The following EPHA3 variants were observed in gnomAD, a reference collection of about 807,000 sequenced individuals.
The protein encoded by EPHA3 is EPH receptor A3, also known as ephrin type-A receptor 3.
A neutral mutation model predicts 107.1 loss-of-function variants in EPHA3; 42 were observed. That is an observed-to-expected ratio of 0.39 (90% CI 0.31 to 0.51). The LOEUF (loss-of-function observed/expected upper bound fraction) is 0.51. Among genes scored for constraint, EPHA3 ranks in the 20% least tolerant of loss-of-function variants. The pLI, the probability that EPHA3 is intolerant of heterozygous loss-of-function variation, is 0.78. For missense variants in EPHA3, 1,183 were observed against 1,211.2 expected, an observed-to-expected ratio of 0.98 and a Z score of 0.35; for synonymous variants, 461 against 424.8, an observed-to-expected ratio of 1.09 and a Z score of -1.05.
chr3:89,205,461 G>A (rs1302143152), intron 2 of EPHA3, among the ~76,000 whole-genome samples: 4 of 152,118 alleles, frequency 2.6e-5, no homozygotes, highest in Non-Finnish European at 5.9e-5. Context: ...GAGGTTTGGT[G>A]TGGTTATTTT....
At chr3:89,402,468 GA>G (rs1420875822) in intron 7 of EPHA3, among the ~76,000 whole-genome samples, 1 of 151,804 alleles carries the variant, frequency 6.6e-6, no homozygotes, top group Non-Finnish European at 1.5e-5. Flanking sequence ...AAATATAAAT[GA>G]GAAAAAAATG....
chr3:89,239,492 G>A (rs940731320), intron 3 of EPHA3, among the ~76,000 whole-genome samples: 6 of 152,116 alleles, frequency 3.9e-5, no homozygotes, highest in African/African-American at 1.2e-4. Context: ...TGCTGGTGCT[G>A]TAAATTTTAA....
intron 2 of EPHA3, among the ~76,000 whole-genome samples, chr3:89,139,255 C>G (rs1704376952): frequency 6.6e-6 from 1 of 151,786 alleles, no homozygotes; most frequent in Admixed American, 6.6e-5. Flanking sequence ...GGATACTATT[C>G]CATGCCATGG....
At chr3:89,231,553 A>G (rs1704635504) in intron 3 of EPHA3, among the ~76,000 whole-genome samples, 1 of 152,078 alleles carries the variant, frequency 6.6e-6, no homozygotes, top group Non-Finnish European at 1.5e-5. Flanking sequence ...GTTTTGGACA[A>G]TATAGAATAG....
intron 5 of EPHA3, among the ~76,000 whole-genome samples, chr3:89,355,744 A>G (rs192103402): frequency 1.9e-4 from 29 of 150,892 alleles, no homozygotes; most frequent in Non-Finnish European, 1.5e-4. Context: ...CTCTGTCTCC[A>G]TAATGATCAT....
At chr3:89,358,475 G>T (rs1270574261) in intron 5 of EPHA3, among the ~76,000 whole-genome samples, 1 of 150,932 alleles carries the variant, frequency 6.6e-6, no homozygotes, top group East Asian at 1.9e-4. Flanking sequence ...TACTATACTG[G>T]ATCTACTGGG....
At chr3:89,176,269 G>A (rs1490759241) in intron 2 of EPHA3, among the ~76,000 whole-genome samples, 1 of 151,914 alleles carries the variant, frequency 6.6e-6, no homozygotes, top group Admixed American at 6.6e-5. Flanking sequence ...ATCACCTGCG[G>A]TCAGGAGATC....
chr3:89,107,870 C>A, intron 1 of EPHA3, 34 bp downstream of exon 1: 1 of 1,595,360 alleles, frequency 6.3e-7, no homozygotes, highest in South Asian at 1.1e-5. Flanking sequence ...GGAGCTCTGC[C>A]CCGCGGGGCT....
intron 5 of EPHA3, among the ~76,000 whole-genome samples, chr3:89,370,424 G>T (rs552822152): frequency 4.6e-5 from 7 of 151,228 alleles, no homozygotes; most frequent in Admixed American, 6.6e-5. Flanking sequence ...ACCAAACACC[G>T]CATGTTCTCA....
intron 2 of EPHA3, among the ~76,000 whole-genome samples, chr3:89,162,381 T>A (rs114623762): frequency 7.9e-5 from 12 of 152,324 alleles, no homozygotes; most frequent in African/African-American, 1.2e-4. Flanking sequence ...CCATTGTGAA[T>A]GATGATGTTA....
intron 2 of EPHA3, among the ~76,000 whole-genome samples, chr3:89,205,434 C>G (rs1225124722): frequency 6.6e-6 from 1 of 152,112 alleles, no homozygotes; most frequent in Non-Finnish European, 1.5e-5. Flanking sequence ...GTATCTTATA[C>G]TACCTTTGAT....
At chr3:89,403,531 T>C (rs1162659477) in intron 7 of EPHA3, among the ~76,000 whole-genome samples, 1 of 151,854 alleles carries the variant, frequency 6.6e-6, no homozygotes, top group Non-Finnish European at 1.5e-5. Flanking sequence ...ATAGAAAGCA[T>C]GGAGTATAAA....
chr3:89,472,500 T>TATC lies in EPHA3; in HGVS notation c.2729_2731dup (p.Ile910dup). 1.2e-6 allele frequency: 2 copies of TATC among 1,614,082 alleles called. No individual in the cohort carries two copies. The highest frequency in any genetic ancestry group is 1.7e-6 in the Non-Finnish European group (2 of 1,180,002). On this transcript the variant is annotated inframe_insertion, in exon 16 of 17. Transcript: ENST00000336596. The stretch of plus-strand genomic sequence containing the variant: ...TTCTTCTGGACCAAAGCAATGTGGA[T>TATC]ATCACTACCTTCCGCACAACAGGTG...
intron 3 of EPHA3, among the ~76,000 whole-genome samples, chr3:89,328,966 T>C (rs1707231718): frequency 6.6e-6 from 1 of 152,152 alleles, no homozygotes; most frequent in Non-Finnish European, 1.5e-5. Context: ...TGTGTGCCGC[T>C]GTCTAAGATG....
intron 3 of EPHA3, among the ~76,000 whole-genome samples, chr3:89,325,457 A>G (rs1707143543): frequency 1.3e-5 from 2 of 152,096 alleles, no homozygotes; most frequent in South Asian, 4.1e-4. Context: ...CCTTTCAATA[A>G]CCCCTGATAA....
chr3:89,402,968 G>T (rs1007930558), intron 7 of EPHA3, among the ~76,000 whole-genome samples: 57 of 152,096 alleles, frequency 3.7e-4, no homozygotes, highest in Non-Finnish European at 2.4e-4. Context: ...GTGAGCCACC[G>T]TGCCCAGCCG....
At chr3:89,352,902 CA>C (rs1215369952) in intron 5 of EPHA3, among the ~76,000 whole-genome samples, 901 of 41,012 alleles carry the variant, frequency 0.022, 2 homozygotes, top group South Asian at 0.036. Context: ...GACTCTGTCT[CA>C]AAAAAAAAAA....
chr3:89,280,224 A>G (rs1379038140), intron 3 of EPHA3, among the ~76,000 whole-genome samples: 1 of 152,188 alleles, frequency 6.6e-6, no homozygotes, highest in Non-Finnish European at 1.5e-5. Context: ...TTTGAATACC[A>G]TTTCATAGAA....
At chr3:89,354,775 T>C (rs1707908400) in intron 5 of EPHA3, among the ~76,000 whole-genome samples, 1 of 151,240 alleles carries the variant, frequency 6.6e-6, no homozygotes, top group Non-Finnish European at 1.5e-5. Context: ...CAATTTTATA[T>C]GGCTATAAGT....
Sources: gnomAD v4.1 joint callset for allele counts (sites outside exome capture counted in the v4.1 genomes callset) on GRCh38, gnomAD v4.1.1 for gene constraint, MANE v1.5 for transcripts, NCBI Gene and HGNC (gene_info 2026-07-23, HGNC 2026-07-21) for gene names.